EYS: variants seen among roughly 807,000 people sequenced by gnomAD.
EYS encodes protein eyes shut homolog.
A neutral mutation model predicts 282.1 loss-of-function variants in EYS; 250 were observed. The ratio of observed to expected loss-of-function variants is 0.89; its 90% CI spans 0.80 to 0.98. The LOEUF (loss-of-function observed/expected upper bound fraction) is 0.98. EYS is among the 50% of genes least tolerant of loss of function. The probability of loss-of-function intolerance (pLI) is 0.00; values close to 1 mark genes in which losing one functional copy is unlikely to be tolerated. For synonymous variants in EYS, 1,355 were observed against 1,282.9 expected (o/e 1.06, Z -1.20); for missense variants, 4,016 against 3,709.0 (o/e 1.08, Z -2.15).
intron 30 of EYS, among the ~76,000 whole-genome samples, chr6:64,253,110 A>G (rs1235595754): frequency 6.6e-6 from 1 of 152,138 alleles, no homozygotes; most frequent in Non-Finnish European, 1.5e-5. Flanking sequence ...TAGGATACAC[A>G]TGGTTTAGCT....
chr6:64,608,337 T>G (rs964849555), intron 24 of EYS, among the ~76,000 whole-genome samples: 2 of 151,898 alleles, frequency 1.3e-5, no homozygotes, highest in Non-Finnish European at 2.9e-5. Context: ...GAGAAGGGAA[T>G]AGAGAAGAAG....
chr6:64,508,004 G>C (rs1022423088), intron 26 of EYS, among the ~76,000 whole-genome samples: 1 of 152,178 alleles, frequency 6.6e-6, no homozygotes, highest in African/African-American at 2.4e-5. Flanking sequence ...TTTTACTGAA[G>C]TTGATGAGAT....
intron 22 of EYS, among the ~76,000 whole-genome samples, chr6:64,763,568 G>A (rs558086542): frequency 1.3e-5 from 2 of 152,084 alleles, no homozygotes; most frequent in Non-Finnish European, 2.9e-5. Context: ...GGCACACAGA[G>A]CCAAACATAT....
chr6:63,919,204 C>G (rs143867110), intron 35 of EYS, among the ~76,000 whole-genome samples: 2 of 151,102 alleles, frequency 1.3e-5, no homozygotes, highest in African/African-American at 4.9e-5. Context: ...CAGGTATTGA[C>G]AGGCTGGATG....
chr6:64,863,175 A>G (rs1766303197), intron 19 of EYS, among the ~76,000 whole-genome samples: 1 of 152,106 alleles, frequency 6.6e-6, no homozygotes, highest in Non-Finnish European at 1.5e-5. Context: ...AAATTTGACT[A>G]TTCAAATTCC....
At chr6:64,890,346 T>C (rs888350765) in intron 18 of EYS, among the ~76,000 whole-genome samples, 16 of 152,124 alleles carry the variant, frequency 1.1e-4, no homozygotes, top group African/African-American at 3.9e-4. Context: ...CCCACACCTA[T>C]TCGCACACTT....
intron 12 of EYS, among the ~76,000 whole-genome samples, chr6:65,181,358 C>G (rs965995917): frequency 1.2e-4 from 19 of 152,020 alleles, no homozygotes; most frequent in Non-Finnish European, 2.6e-4. Flanking sequence ...AACAAATTTA[C>G]AAGAAAAAAA....
intron 33 of EYS, among the ~76,000 whole-genome samples, chr6:64,019,430 A>T (rs1330741733): frequency 1.6e-5 from 2 of 123,480 alleles, no homozygotes; most frequent in Non-Finnish European, 3.6e-5. Flanking sequence ...TTATTTTTTT[A>T]AACGGAGTCT....
chr6:64,348,344 A>G (rs1482443882), intron 29 of EYS, among the ~76,000 whole-genome samples: 2 of 151,588 alleles, frequency 1.3e-5, no homozygotes, highest in East Asian at 3.9e-4. Flanking sequence ...TCTTCAAGCA[A>G]AGAGATAATG....
chr6:63,738,395 T>C (rs1468816831), intron 41 of EYS, among the ~76,000 whole-genome samples: 1 of 151,980 alleles, frequency 6.6e-6, no homozygotes, highest in Non-Finnish European at 1.5e-5. Flanking sequence ...CACCATGGAA[T>C]ACTATGCAGC....
intron 33 of EYS, among the ~76,000 whole-genome samples, chr6:64,031,497 C>G (rs1001851568): frequency 1.3e-5 from 2 of 152,228 alleles, no homozygotes; most frequent in Admixed American, 6.5e-5. Flanking sequence ...CACCCAAGGG[C>G]TGAGGAGTGC....
chr6:64,931,046 T>C (rs1372388016), intron 15 of EYS, among the ~76,000 whole-genome samples: 2 of 152,178 alleles, frequency 1.3e-5, no homozygotes, highest in Admixed American at 1.3e-4. Context: ...ATTTGCTTTT[T>C]AATGTCTTGA....
intron 31 of EYS, among the ~76,000 whole-genome samples, chr6:64,193,508 A>AT (rs1765181768): frequency 6.6e-6 from 1 of 151,308 alleles, no homozygotes; most frequent in Admixed American, 6.6e-5. Flanking sequence ...TTATTTATTT[A>AT]TTTTTATTAT....
chr6:65,197,194 G>A (rs1765789861), intron 12 of EYS, among the ~76,000 whole-genome samples: 1 of 151,958 alleles, frequency 6.6e-6, no homozygotes, highest in South Asian at 2.1e-4. Flanking sequence ...TCTGATGTGG[G>A]GGCATATAAT....
At chr6:63,971,319 G>A (rs190785625) in intron 35 of EYS, among the ~76,000 whole-genome samples, 1 of 152,278 alleles carries the variant, frequency 6.6e-6, no homozygotes, top group Admixed American at 6.5e-5. Context: ...TTTTCCAGTA[G>A]CCTTCTATAT....
chr6:64,178,332 G>A (rs2150310491), intron 31 of EYS, among the ~76,000 whole-genome samples: 1 of 152,186 alleles, frequency 6.6e-6, no homozygotes. Context: ...GAATTTAACT[G>A]TACCAGGCCC....
chr6:65,100,432 G>A (rs1774862996), intron 12 of EYS, among the ~76,000 whole-genome samples: 1 of 150,166 alleles, frequency 6.7e-6, no homozygotes, highest in Non-Finnish European at 1.5e-5. Flanking sequence ...GACATTCAAA[G>A]AATAAAAAAG....
rs140363022 is a variant in EYS at position 65,272,970 on chromosome 6, C to A, written c.2023+22893G>T. Among the ~76,000 whole-genome samples, 6 of 152,098 alleles carry A rather than the reference C, an allele frequency of 3.9e-5. No homozygotes were observed. The East Asian group carries it at 7.7e-4, about 20-fold the overall frequency. ...GTCACAGTGCTCTTGCATTTTGGGG[C>A]CTTTATTAAGTAATGTAAACGTTAC... On this transcript the variant is annotated intron_variant, in intron 12 of 42. Coordinates refer to ENST00000503581, the MANE Select transcript of EYS (RefSeq NM_001142800.2).
intron 31 of EYS, among the ~76,000 whole-genome samples, chr6:64,117,332 C>A (rs1316345606): frequency 1.3e-5 from 2 of 148,794 alleles, no homozygotes; most frequent in African/African-American, 2.5e-5. Flanking sequence ...GGAACAACCC[C>A]CCCCCCAATT....
Sources: gnomAD v4.1 joint callset for allele counts (sites outside exome capture counted in the v4.1 genomes callset) on GRCh38, gnomAD v4.1.1 for gene constraint, MANE v1.5 for transcripts, NCBI Gene and HGNC (gene_info 2026-07-23, HGNC 2026-07-21) for gene names.